Variants in MYO18B observed in about 807,000 individuals in gnomAD.
The protein encoded by MYO18B is myosin XVIIIB, also known as unconventional myosin-XVIIIb.
A neutral mutation model predicts 273.0 loss-of-function variants in MYO18B; 204 were observed. That is an observed-to-expected ratio of 0.75 (90% confidence interval 0.67 to 0.84). MYO18B has a LOEUF of 0.84. Ranked by LOEUF, MYO18B falls within the 40% of genes least tolerant of loss-of-function variation. MYO18B has a pLI of 0.00. For synonymous variants in MYO18B, 1,330 were observed against 1,305.7 expected (o/e 1.02, Z -0.40); for missense variants, 3,212 against 3,287.6 (o/e 0.98, Z 0.56).
At position 25,917,545 on chromosome 22, in the gene MYO18B, G is replaced by GGGGT. The variant is rs1555944183; in HGVS notation, c.5365-3711_5365-3710insGGTG. Among the ~76,000 whole-genome samples, 929 of 142,232 alleles carry GGGGT rather than the reference G, an allele frequency of 6.5e-3. 10 individuals carry two copies. The highest frequency in any genetic ancestry group is 0.035 in the Middle Eastern group (10 of 284). The allele number at this position is 142,232 out of a possible 152,430, so 93.3% of individuals were successfully genotyped here. On this transcript the variant is annotated intron_variant, in intron 33 of 43. Transcript: ENST00000335473. ...CTATTTCATTTTAAAGCTTTGTAGG[G>GGGGT]GTGTGTGTGTGTGTGTGTGTGTGTG...
intron 11 of MYO18B, among the ~76,000 whole-genome samples, chr22:25,787,057 T>C (rs1165296904): frequency 6.6e-6 from 1 of 151,860 alleles, no homozygotes; most frequent in Non-Finnish European, 1.5e-5. Context: ...CTACTAAAAA[T>C]ACTAAAAATT....
downstream of MYO18B, among the ~76,000 whole-genome samples, chr22:26,034,724 C>G (rs189627575): frequency 2.8e-4 from 42 of 152,298 alleles, no homozygotes; most frequent in Non-Finnish European, 4.7e-4. Flanking sequence ...CCATTTTTAA[C>G]AGGGCGCCCA....
chr22:25,789,519 C>G (rs1195194926), intron 11 of MYO18B, among the ~76,000 whole-genome samples: 1 of 151,710 alleles, frequency 6.6e-6, no homozygotes, highest in Non-Finnish European at 1.5e-5. Context: ...GCCTGTAATC[C>G]CATCTACTTG....
At chr22:25,913,604 G>A (rs1444902782) in intron 33 of MYO18B, among the ~76,000 whole-genome samples, 1 of 152,150 alleles carries the variant, frequency 6.6e-6, no homozygotes, top group South Asian at 2.1e-4. Context: ...TCGTGACCTC[G>A]TGATCCACCC....
intron 3 of MYO18B, among the ~76,000 whole-genome samples, chr22:25,765,446 C>T (rs897873261): frequency 4.6e-5 from 7 of 152,144 alleles, no homozygotes; most frequent in Admixed American, 3.9e-4. Flanking sequence ...GGGGAAGTGA[C>T]CTGGTTCTCC....
chr22:26,059,446 C>G, the MYO18B span, among the ~76,000 whole-genome samples: 75 of 152,130 alleles, frequency 4.9e-4, no homozygotes, highest in African/African-American at 1.6e-3. Context: ...CTTTGGAATT[C>G]TAAGAAATGA....
chr22:25,948,433 TCC>T (rs1356091974), intron 36 of MYO18B, among the ~76,000 whole-genome samples: 1 of 136,722 alleles, frequency 7.3e-6, no homozygotes, highest in African/African-American at 3.0e-5. Context: ...CTTCCTTCCT[TCC>T]TTCCTTCCTT....
At chr22:25,796,589 C>G (rs564218070) in intron 11 of MYO18B, among the ~76,000 whole-genome samples, 1 of 85,244 alleles carries the variant, frequency 1.2e-5, no homozygotes, top group East Asian at 4.4e-4. Flanking sequence ...GAGTGAGACC[C>G]TGTCTAAAAA....
At chr22:25,859,679 A>C (rs748380646) in intron 21 of MYO18B, among the ~76,000 whole-genome samples, 2 of 151,582 alleles carry the variant, frequency 1.3e-5, no homozygotes, top group Non-Finnish European at 2.9e-5. Flanking sequence ...TTTTTTTGTG[A>C]AACTCTATTT....
At chr22:26,029,397 T>A (rs1204899183) in intron 43 of MYO18B, among the ~76,000 whole-genome samples, 2 of 152,162 alleles carry the variant, frequency 1.3e-5, no homozygotes, top group Non-Finnish European at 2.9e-5. Context: ...TTGGACTCTA[T>A]CAGAGCAAAC....
At position 25,801,114 on chromosome 22, in the gene MYO18B, T is replaced by C. The variant is rs141595977; in HGVS notation, c.2521+3017T>C. ...TGTCATAACAGATCATTTTGAAATA[T>C]ATTAAGAATCATTTTCATTAATCAG... On this transcript the variant is annotated intron_variant, in intron 12 of 43. Transcript: ENST00000335473. Among the ~76,000 whole-genome samples, 182 of 152,348 alleles carry C rather than the reference T, an allele frequency of 1.2e-3. 1 individual carries two copies. In the East Asian group the frequency reaches 0.027, roughly 22 times the overall value.
intron 22 of MYO18B, 22 bp downstream of exon 22, chr22:25,868,407 C>A (rs1270852362): frequency 5.1e-6 from 8 of 1,570,752 alleles, no homozygotes; most frequent in East Asian, 4.7e-5. Flanking sequence ...TGCTTTCTTA[C>A]AACATTCGCC....
intron 1 of MYO18B, among the ~76,000 whole-genome samples, chr22:25,755,952 C>T (rs1027594129): frequency 6.6e-6 from 1 of 150,380 alleles, no homozygotes; most frequent in South Asian, 2.1e-4. Flanking sequence ...GGCTGGAGTG[C>T]AGTGGCACGA....
At chr22:25,813,498 C>G (rs764344611) in intron 12 of MYO18B, among the ~76,000 whole-genome samples, 12 of 152,152 alleles carry the variant, frequency 7.9e-5, no homozygotes, top group Non-Finnish European at 1.8e-4. Flanking sequence ...CAGGAGACAA[C>G]CAAAGTTGAG....
intron 4 of MYO18B, among the ~76,000 whole-genome samples, chr22:25,769,825 A>G (rs948284846): frequency 6.6e-6 from 1 of 151,902 alleles, no homozygotes; most frequent in Admixed American, 6.5e-5. Context: ...TTCAAAGGCC[A>G]GGAGTGGGGC....
chr22:25,748,089 C>T (rs898668945), intron 1 of MYO18B, among the ~76,000 whole-genome samples: 1 of 152,198 alleles, frequency 6.6e-6, no homozygotes, highest in African/African-American at 2.4e-5. Context: ...GAGCATTGTT[C>T]TGAAGAAACT....
In MYO18B at chr22:25,902,709, G is replaced by C; in HGVS notation, c.4920G>C (p.Glu1640Asp). Residue 1640 changes from glutamate to aspartate, a missense_variant, in exon 30 of 44, where the codon GAG becomes GAC. Glu to Asp is a conservative substitution (Grantham distance 45). Transcript: ENST00000335473. ...AGGAGAACACCAGTGTCCGGTGGGA[G>C]CTAGGCCAGCTTCAGCAGCAGCTGA... ...VTQENTSVRW[E>D]LGQLQQQLKQ... 1 of 1,588,370 alleles carries C rather than the reference G, an allele frequency of 6.3e-7. No homozygotes were observed. The highest frequency in any genetic ancestry group is 8.6e-7 in the Non-Finnish European group (1 of 1,166,770).
At chr22:25,872,714 G>GT (rs2091080996) in intron 22 of MYO18B, among the ~76,000 whole-genome samples, 2 of 151,728 alleles carry the variant, frequency 1.3e-5, no homozygotes, top group African/African-American at 2.4e-5. Context: ...GAGAATCATC[G>GT]TAACTACCAT....
intron 21 of MYO18B, among the ~76,000 whole-genome samples, chr22:25,864,038 G>A (rs2090816398): frequency 6.6e-6 from 1 of 152,178 alleles, no homozygotes; most frequent in Non-Finnish European, 1.5e-5. Context: ...AATTGCTACT[G>A]TTTCTGACAA....
Sources: gnomAD v4.1 joint callset for allele counts (sites outside exome capture counted in the v4.1 genomes callset) on GRCh38, gnomAD v4.1.1 for gene constraint, MANE v1.5 for transcripts, NCBI Gene and HGNC (gene_info 2026-07-23, HGNC 2026-07-21) for gene names.